The following RALGPS2 variants were observed in gnomAD, a reference collection of about 807,000 sequenced individuals.
RALGPS2 encodes ras-specific guanine nucleotide-releasing factor RalGPS2.
In RALGPS2, 43 loss-of-function variants were observed where a neutral mutation model predicts 86.8. That is an observed-to-expected ratio of 0.50 (90% CI 0.39 to 0.64). The LOEUF (loss-of-function observed/expected upper bound fraction) is 0.64, where lower values mean the gene tolerates loss of function less well. Among genes scored for constraint, RALGPS2 ranks in the 30% least tolerant of loss-of-function variants. The probability of loss-of-function intolerance (pLI) is 0.00; values close to 1 mark genes in which losing one functional copy is unlikely to be tolerated. For synonymous variants in RALGPS2, 243 were observed against 231.3 expected (o/e 1.05, Z -0.46); for missense variants, 536 against 694.6 (o/e 0.77, Z 2.57).
Position 178,889,680 on chromosome 1 carries a change from T to C in RALGPS2, c.1231T>C (p.Trp411Arg). ...DGSELSEETS[W>R]PAFERNRLYH... ...TTCTGAACTAAGTGAAGAGACCTCA[T>C]GGCCTGCTTTTGAAAGGTAAGATAA... is the stretch of plus-strand genomic sequence containing the variant. Residue 411 changes from tryptophan (W) to arginine (R), a missense_variant, in exon 14 of 20, where the codon TGG (tryptophan) becomes CGG (arginine). Trp to Arg is a moderately radical substitution (Grantham distance 101). Transcript: ENST00000367635. The C allele has an allele frequency of 6.2e-7, 1 of 1,606,900 alleles. No homozygotes were observed. Among genetic ancestry groups the C allele is most frequent in the Non-Finnish European group, 8.5e-7 (1 of 1,176,018 alleles).
rs1312301072 is a variant in RALGPS2 at position 178,877,591 on chromosome 1, A to G, written c.701A>G (p.Asn234Ser). ...ENEQRSNLMN[N>S]ILRIISDLQQ... ...GAGCAAAGATCAAATTTAATGAATAATATCCTTCGAATAATTTCTGATTTA... is the reference window on the plus strand; with the variant it reads ...GAGCAAAGATCAAATTTAATGAATAGTATCCTTCGAATAATTTCTGATTTA... Residue 234 changes from asparagine (N) to serine (S), a missense_variant, in exon 9 of 20, where the codon AAT becomes AGT. Asn to Ser is a conservative substitution (Grantham distance 46). Transcript: ENST00000367635. 5.0e-6 allele frequency: 8 copies of G among 1,613,512 alleles called. No individual in the cohort carries two copies. Among genetic ancestry groups the G allele is most frequent in the Non-Finnish European group, 6.8e-6 (8 of 1,179,594 alleles).
chr1:178,815,018 G>A (rs1655160200), intron 6 of RALGPS2, among the ~76,000 whole-genome samples: 1 of 152,078 alleles, frequency 6.6e-6, no homozygotes, highest in East Asian at 1.9e-4. Context: ...AGATCTTTCA[G>A]CAGTTTTCTG....
chr1:178,856,202 GATAT>G (rs55797277), intron 8 of RALGPS2, among the ~76,000 whole-genome samples: 12,189 of 83,386 alleles, frequency 0.15, 767 homozygotes, highest in East Asian at 0.24. Flanking sequence ...GAGAGAGAGA[GATAT>G]ATATATATAT....
At chr1:178,792,754 G>C (rs1654015366) in intron 4 of RALGPS2, among the ~76,000 whole-genome samples, 1 of 152,126 alleles carries the variant, frequency 6.6e-6, no homozygotes. Context: ...GGTTTTTACT[G>C]TTCCCCCTTC....
chr1:178,762,405 C>G lies in RALGPS2; in HGVS notation c.-83-14277C>G, dbSNP rs151336290. Among the ~76,000 whole-genome samples the G allele has an allele frequency of 5.9e-3, 905 of 152,234 alleles. 14 individuals are homozygous for G. The highest frequency in any genetic ancestry group is 0.021 in the African/African-American group (877 of 41,530). On this transcript the variant is annotated intron_variant, in intron 1 of 19. Coordinates refer to ENST00000367635, the MANE Select transcript of RALGPS2 (RefSeq NM_152663.5). The stretch of plus-strand genomic sequence containing the variant: ...GATTGTGGGTTGAATGGCAGTTCTG[C>G]TTTGGGATCTCTGAGAAATTGCCAA...
At chr1:178,830,557 C>T (rs996424344) in intron 7 of RALGPS2, among the ~76,000 whole-genome samples, 2 of 152,094 alleles carry the variant, frequency 1.3e-5, no homozygotes, top group South Asian at 2.1e-4. Flanking sequence ...AGGCCCCTTG[C>T]GCCATTCACA....
chr1:178,858,376 G>A (rs901123245), intron 8 of RALGPS2, among the ~76,000 whole-genome samples: 6 of 152,014 alleles, frequency 3.9e-5, no homozygotes, highest in Non-Finnish European at 8.8e-5. Context: ...AGAAATTAAT[G>A]ACAAATAGAA....
In RALGPS2 at chr1:178,916,762, A is replaced by T. The variant is rs1019862717; in HGVS notation, c.*403A>T. On this transcript the variant is annotated 3_prime_UTR_variant, in exon 20 of 20. Transcript: ENST00000367635. The stretch of plus-strand genomic sequence containing the variant: ...GAGGGGGGAATTGCCTTTTTTAGAT[A>T]TGCTTTAAAAAGGAAAAACATACTC... 3.6e-5 allele frequency: 6 copies of T among 166,660 alleles called. No homozygotes were observed. Among genetic ancestry groups the T allele is most frequent in the Non-Finnish European group, 2.6e-5 (2 of 78,082 alleles). The allele number at this position is 166,660 out of a possible 1,614,324, so 10.3% of individuals were successfully genotyped here.
At chr1:178,735,913 A>G (rs1437888063) in intron 1 of RALGPS2, among the ~76,000 whole-genome samples, 2 of 152,048 alleles carry the variant, frequency 1.3e-5, no homozygotes, top group Admixed American at 6.5e-5. Flanking sequence ...TTGAGCATTT[A>G]GGTTGTTTCT....
chr1:178,804,434 C>A (rs1365330718), intron 4 of RALGPS2, among the ~76,000 whole-genome samples: 1 of 116,880 alleles, frequency 8.6e-6, no homozygotes, highest in African/African-American at 3.2e-5. Context: ...CCCCTCCCCC[C>A]ACCCCACAAC....
intron 11 of RALGPS2, among the ~76,000 whole-genome samples, chr1:178,883,935 G>A (rs1266723255): frequency 6.6e-6 from 1 of 151,930 alleles, no homozygotes; most frequent in Admixed American, 6.5e-5. Flanking sequence ...CTTGCAATGA[G>A]CCGAGATCGT....
At chr1:178,752,605 T>A (rs1015621269) in intron 1 of RALGPS2, among the ~76,000 whole-genome samples, 5 of 152,356 alleles carry the variant, frequency 3.3e-5, no homozygotes, top group Admixed American at 1.3e-4. Flanking sequence ...ATGGCTTAAA[T>A]TCATGGTGCA....
chr1:178,908,203 C>T (rs1187113785), intron 19 of RALGPS2, among the ~76,000 whole-genome samples: 1 of 152,198 alleles, frequency 6.6e-6, no homozygotes, highest in Non-Finnish European at 1.5e-5. Context: ...TTTTCTGTTC[C>T]TGGATTAATT....
At chr1:178,874,164 TC>T (rs1658894413) in intron 8 of RALGPS2, among the ~76,000 whole-genome samples, 1 of 152,292 alleles carries the variant, frequency 6.6e-6, no homozygotes, top group Non-Finnish European at 1.5e-5. Context: ...AATGGTTACT[TC>T]TGGACAGGAA....
At chr1:178,839,568 G>A (rs981451644) in intron 8 of RALGPS2, among the ~76,000 whole-genome samples, 1 of 152,084 alleles carries the variant, frequency 6.6e-6, no homozygotes, top group Non-Finnish European at 1.5e-5. Flanking sequence ...ATGCCAAATT[G>A]TAGAGACCAT....
At position 178,752,297 on chromosome 1, in the gene RALGPS2, C is replaced by G. The variant is rs1455491543; in HGVS notation, c.-83-24385C>G. Among the ~76,000 whole-genome samples, 3 of 150,608 alleles carry G rather than the reference C, an allele frequency of 2.0e-5. No homozygotes were observed. In the Admixed American group the frequency reaches 2.0e-4, roughly 10 times the overall value. On this transcript the variant is annotated intron_variant, in intron 1 of 19. Coordinates refer to ENST00000367635, the MANE Select transcript of RALGPS2 (RefSeq NM_152663.5). ...ACTATGGGACTATAGGCATGAACCACCATGCCCAGCTAATTTTTAATTTTT... is the reference window on the plus strand; with the variant it reads ...ACTATGGGACTATAGGCATGAACCAGCATGCCCAGCTAATTTTTAATTTTT...
At chr1:178,782,640 C>A (rs995195765) in intron 2 of RALGPS2, among the ~76,000 whole-genome samples, 2 of 151,906 alleles carry the variant, frequency 1.3e-5, no homozygotes, top group Admixed American at 1.3e-4. Context: ...GGCACTCCCC[C>A]CCAGCAACCC....
At chr1:178,877,769 A>AAAAC in intron 9 of RALGPS2, 134 bp downstream of exon 9, 1 of 1,155,492 alleles carries the variant, frequency 8.7e-7, no homozygotes, top group Non-Finnish European at 1.2e-6. Flanking sequence ...AAAGGAAAAT[A>AAAAC]ATGCTTGTTT....
intron 9 of RALGPS2, among the ~76,000 whole-genome samples, chr1:178,877,895 C>T (rs1159229088): frequency 1.3e-5 from 2 of 152,054 alleles, no homozygotes; most frequent in East Asian, 3.8e-4. Context: ...TTTGCAGCAA[C>T]TTTCTCACAG....
Sources: allele counts gnomAD v4.1 joint callset (sites outside exome capture counted in the v4.1 genomes callset), GRCh38; gene constraint gnomAD v4.1.1; transcripts MANE v1.5; gene names NCBI Gene and HGNC (gene_info 2026-07-23, HGNC 2026-07-21).